The following SORCS1 variants were observed in gnomAD, a reference collection of about 807,000 sequenced individuals.
SORCS1 encodes the protein VPS10 domain-containing receptor SorCS1.
In SORCS1, 60 loss-of-function variants were observed where a neutral mutation model predicts 146.1. The ratio of observed to expected loss-of-function variants is 0.41; its 90% confidence interval spans 0.33 to 0.51. The LOEUF (loss-of-function observed/expected upper bound fraction) is 0.51. Among genes scored for constraint, SORCS1 ranks in the 20% least tolerant of loss-of-function variants. The pLI is 0.21. For synonymous variants in SORCS1, 637 were observed against 584.0 expected (o/e 1.09, Z -1.31); for missense variants, 1,352 against 1,487.6 (o/e 0.91, Z 1.50).
At chr10:106,775,945 T>C (rs1860400954) in intron 4 of SORCS1, among the ~76,000 whole-genome samples, 1 of 152,202 alleles carries the variant, frequency 6.6e-6, no homozygotes, top group South Asian at 2.1e-4. Flanking sequence ...CATATGCACA[T>C]ATACACACAC....
At chr10:106,797,710 G>A (rs971718743) in intron 3 of SORCS1, among the ~76,000 whole-genome samples, 2 of 152,130 alleles carry the variant, frequency 1.3e-5, no homozygotes, top group African/African-American at 4.8e-5. Context: ...AGCCCCAGCA[G>A]ATGGCCAATT....
At chr10:106,657,865 T>C (rs2135333153) in intron 17 of SORCS1, among the ~76,000 whole-genome samples, 1 of 152,090 alleles carries the variant, frequency 6.6e-6, no homozygotes, top group African/African-American at 2.4e-5. Context: ...TATGGAATCT[T>C]TTCCTAAAGT....
chr10:106,919,303 T>A (rs1371709693), intron 2 of SORCS1, among the ~76,000 whole-genome samples: 2 of 152,250 alleles, frequency 1.3e-5, no homozygotes, highest in Non-Finnish European at 2.9e-5. Flanking sequence ...TCTTCTGATT[T>A]TAAACCATAT....
intron 24 of SORCS1, among the ~76,000 whole-genome samples, chr10:106,590,814 C>T (rs1030550997): frequency 6.6e-6 from 1 of 152,148 alleles, no homozygotes; most frequent in South Asian, 2.1e-4. Flanking sequence ...GCCACCATGC[C>T]TGGCTAATTA....
rs112440520 is a variant in SORCS1, at chr10:106,775,941, C to A, written c.885+593G>T. On this transcript the variant is annotated intron_variant, in intron 4 of 25. Transcript: ENST00000263054. ...AGGATGACATTTTATGGGTCATATG[C>A]ACATATACACACACACAGCTAATAC... Among the ~76,000 whole-genome samples, 914 of 152,208 alleles carry A rather than the reference C, an allele frequency of 6.0e-3. 4 individuals are homozygous for A. The highest frequency in any genetic ancestry group is 0.011 in the Non-Finnish European group (747 of 68,028).
rs369311232 is a variant in SORCS1 at position 106,612,028 on chromosome 10, G to A, written c.2921-5C>T. The A allele has an allele frequency of 3.2e-5, 51 of 1,606,054 alleles. No homozygotes were observed. The highest frequency in any genetic ancestry group is 4.2e-5 in the Non-Finnish European group (49 of 1,172,888). On this transcript the variant is annotated splice_region_variant and splice_polypyrimidine_tract_variant and intron_variant, in intron 21 of 25. Coordinates refer to ENST00000263054, the MANE Select transcript of SORCS1 (RefSeq NM_052918.5). ...AGCGAAGAGACCGGAATTCCTCTGG[G>A]GATATAACAGTAGATGGAGTACTAT... is the stretch of plus-strand genomic sequence containing the variant.
chr10:106,886,830 G>A (rs1444114986), intron 2 of SORCS1, among the ~76,000 whole-genome samples: 7 of 152,126 alleles, frequency 4.6e-5, no homozygotes, highest in South Asian at 4.1e-4. Flanking sequence ...TGTATTAGAC[G>A]ATACAAATAA....
intron 24 of SORCS1, among the ~76,000 whole-genome samples, chr10:106,593,369 T>A (rs1845725088): frequency 6.6e-6 from 1 of 152,186 alleles, no homozygotes; most frequent in Non-Finnish European, 1.5e-5. Flanking sequence ...TACTTCCTTA[T>A]CACAATTGCT....
intron 1 of SORCS1, among the ~76,000 whole-genome samples, chr10:107,058,704 A>T (rs986110921): frequency 6.6e-6 from 1 of 152,220 alleles, no homozygotes; most frequent in African/African-American, 2.4e-5. Flanking sequence ...GTGGTGAGTT[A>T]GAATATAGAA....
rs145031882 is a variant in SORCS1 at position 107,089,318 on chromosome 10, A to G, written c.558+74651T>C. Among the ~76,000 whole-genome samples, 257 of 152,346 alleles carry G rather than the reference A, an allele frequency of 1.7e-3. 2 individuals are homozygous for G. The highest frequency in any genetic ancestry group is 5.3e-3 in the African/African-American group (222 of 41,582). Reference sequence around the variant, plus strand: ...TGAACTAAAAACTGTTTATGGGGTAAACAAAAAGTGGCATAGATATTCTAG... The same window carrying G: ...TGAACTAAAAACTGTTTATGGGGTAGACAAAAAGTGGCATAGATATTCTAG... On this transcript the variant is annotated intron_variant, in intron 1 of 25. Coordinates refer to ENST00000263054, the MANE Select transcript of SORCS1 (RefSeq NM_052918.5).
chr10:107,175,015 T>C, the SORCS1 span, among the ~76,000 whole-genome samples: 1,693 of 152,328 alleles, frequency 0.011, 24 homozygotes, highest in African/African-American at 0.037. Flanking sequence ...CCTTTCCACA[T>C]CTTGCAATAT....
At chr10:106,617,557 C>T (rs1040453545) in intron 21 of SORCS1, among the ~76,000 whole-genome samples, 18 of 152,196 alleles carry the variant, frequency 1.2e-4, no homozygotes, top group Middle Eastern at 3.4e-3. Context: ...CATTTCAGTA[C>T]ACATTCATTC....
intron 1 of SORCS1, among the ~76,000 whole-genome samples, chr10:107,128,733 C>T (rs183134501): frequency 1.2e-4 from 18 of 152,222 alleles, no homozygotes; most frequent in African/African-American, 4.1e-4. Flanking sequence ...GGAGATGGAG[C>T]ACTTCTTCTA....
chr10:106,718,051 C>A (rs1373704529), intron 6 of SORCS1, among the ~76,000 whole-genome samples: 2 of 152,120 alleles, frequency 1.3e-5, no homozygotes, highest in Non-Finnish European at 2.9e-5. Context: ...GGGATGGGGA[C>A]ATGATGGAAA....
chr10:107,164,256 G>C lies in SORCS1; in HGVS notation c.271C>G (p.Arg91Gly). 1 of 1,605,322 alleles carries C rather than the reference G, an allele frequency of 6.2e-7. No homozygotes were observed. The highest frequency in any genetic ancestry group is 8.5e-7 in the Non-Finnish European group (1 of 1,179,326). ...APGDRALSLE[R>G]ARGTGASMAV... ...ATGGATGCCCCAGTGCCCCGAGCCC[G>C]CTCCAGGGATAGCGCTCGGTCCCCG... Residue 91 changes from arginine to glycine, a missense_variant, in exon 1 of 26, where the codon CGG (arginine) becomes GGG (glycine). Physicochemically the swap from Arg to Gly is moderately radical, Grantham distance 125. This residue lies in a region of SORCS1 where 490 missense variants were observed against 489.1 expected (regional missense o/e 1.00). Transcript: ENST00000263054. This position sits in a 1 kb window ranked among gnomAD's most constrained non-coding sequence, Gnocchi z 6.8.
chr10:106,629,785 C>T (rs1848327715), intron 18 of SORCS1, among the ~76,000 whole-genome samples: 1 of 152,212 alleles, frequency 6.6e-6, no homozygotes, highest in Non-Finnish European at 1.5e-5. Flanking sequence ...GTGGCTCATG[C>T]CTGTAATCCC....
At chr10:107,095,394 C>T (rs568049513) in intron 1 of SORCS1, among the ~76,000 whole-genome samples, 1 of 152,102 alleles carries the variant, frequency 6.6e-6, no homozygotes, top group South Asian at 2.1e-4. Context: ...GCCACTTCCC[C>T]ACCTCATCAT....
chr10:107,136,861 C>T lies in SORCS1; in HGVS notation c.558+27108G>A, dbSNP rs570945079. On this transcript the variant is annotated intron_variant, in intron 1 of 25. Coordinates refer to ENST00000263054, the MANE Select transcript of SORCS1 (RefSeq NM_052918.5). ...CCTGCACTCCACCAGAACTCCCCTC[C>T]GTCCCCTGCTTCCTTTTGCAAATTT... 1.5e-3 allele frequency among the ~76,000 whole-genome samples: 226 copies of T among 152,282 alleles called. 2 individuals are homozygous for T. Among genetic ancestry groups the T allele is most frequent in the African/African-American group, 5.1e-3 (213 of 41,566 alleles).
chr10:106,953,470 A>G (rs896234227), intron 2 of SORCS1, among the ~76,000 whole-genome samples: 12 of 152,116 alleles, frequency 7.9e-5, no homozygotes, highest in African/African-American at 2.9e-4. Flanking sequence ...GTTTTGATCC[A>G]AGATGGGTTG....
Sources: gnomAD v4.1 joint callset for allele counts (sites outside exome capture counted in the v4.1 genomes callset) on GRCh38, gnomAD v4.1.1 for gene constraint, gnomAD v4.1.1 regional missense constraint, Gnocchi (gnomAD v3.1) non-coding constraint, MANE v1.5 for transcripts, NCBI Gene and HGNC (gene_info 2026-07-23, HGNC 2026-07-21) for gene names.